Variants in ZNF85 observed in about 807,000 individuals in gnomAD.
ZNF85 encodes zinc finger protein 85, also known as zinc finger protein 85 (HPF4, HTF1).
In ZNF85, 50 loss-of-function variants were observed where a neutral mutation model predicts 53.9. The ratio of observed to expected loss-of-function variants is 0.93; its 90% CI spans 0.74 to 1.17. ZNF85 has a LOEUF of 1.17. ZNF85 is among the 50% of genes most tolerant of loss of function. The probability of loss-of-function intolerance (pLI) is 0.00; values close to 1 mark genes in which losing one functional copy is unlikely to be tolerated. For synonymous variants in ZNF85, 225 were observed against 226.1 expected (o/e 1.00, Z 0.04); for missense variants, 747 against 688.5 (o/e 1.08, Z -0.95).
chr19:20,943,073 G>T (rs1414237124), intron 3 of ZNF85: 4 of 419,104 alleles, frequency 9.5e-6, no homozygotes, highest in Non-Finnish European at 8.4e-6. Flanking sequence ...TGTTCACCCA[G>T]CCAGTATTCT....
intron 3 of ZNF85, among the ~76,000 whole-genome samples, chr19:20,948,286 A>G (rs1240702257): frequency 1.3e-5 from 2 of 152,116 alleles, no homozygotes; most frequent in Non-Finnish European, 1.5e-5. Flanking sequence ...GCAGACTCAA[A>G]CTGCCATTCC....
chr19:20,942,765 T>G (rs1189572099), intron 3 of ZNF85: 4 of 693,612 alleles, frequency 5.8e-6, no homozygotes, highest in Non-Finnish European at 1.0e-5. Context: ...CTGCTTAAAT[T>G]TATTTGTTGT....
In ZNF85 at chr19:20,950,313, A is replaced by C; in HGVS notation, c.*11A>C. On this transcript the variant is annotated 3_prime_UTR_variant, in exon 4 of 4. Coordinates refer to ENST00000328178, the MANE Select transcript of ZNF85 (RefSeq NM_003429.5). ...AAATTACAAATATGAAAATTATGGC[A>C]AAGCTTTAATCAATTTACAAGTCTT... The C allele has an allele frequency of 6.7e-7, 1 of 1,501,464 alleles. No homozygotes were observed. The highest frequency in any genetic ancestry group is 8.9e-7 in the Non-Finnish European group (1 of 1,123,812). 93.0% of individuals were successfully genotyped at this position (1,501,464 alleles called of 1,614,324 possible).
chr19:20,939,348 T>C (rs111384514), intron 3 of ZNF85, among the ~76,000 whole-genome samples: 1,811 of 152,020 alleles, frequency 0.012, 34 homozygotes, highest in African/African-American at 0.035. Flanking sequence ...CTCTGCCTCC[T>C]GGTTCAAGTG....
In ZNF85 at chr19:20,923,398, G is replaced by C; in HGVS notation, c.-3G>C. 1 of 1,614,166 alleles carries C rather than the reference G, an allele frequency of 6.2e-7. No homozygotes were observed. The highest frequency in any genetic ancestry group is 1.1e-5 in the South Asian group (1 of 91,082). ...GACGCCGGGACCCCCTGGAAGCCTAGAAATGGTGAGAGTGCCAGGTCCGCC... is the reference window on the plus strand; with the variant it reads ...GACGCCGGGACCCCCTGGAAGCCTACAAATGGTGAGAGTGCCAGGTCCGCC... On this transcript the variant is annotated 5_prime_UTR_variant, in exon 1 of 4. Coordinates refer to ENST00000328178, the MANE Select transcript of ZNF85 (RefSeq NM_003429.5).
chr19:20,938,235 A>G (rs1315623742), intron 3 of ZNF85, among the ~76,000 whole-genome samples: 2 of 152,090 alleles, frequency 1.3e-5, no homozygotes, highest in Non-Finnish European at 2.9e-5. Context: ...ACACAGGGCT[A>G]ATTTTTGTAT....
chr19:20,945,110 G>T (rs1252698814), intron 3 of ZNF85, among the ~76,000 whole-genome samples: 1 of 148,148 alleles, frequency 6.8e-6, no homozygotes, highest in Admixed American at 6.7e-5. Flanking sequence ...TCATTACTCT[G>T]TATCTTAGGT....
chr19:20,935,174 A>G, intron 3 of ZNF85, 127 bp downstream of exon 3: 1 of 582,260 alleles, frequency 1.7e-6, no homozygotes, highest in Non-Finnish European at 2.9e-6. Flanking sequence ...CAGAAGCCTG[A>G]GGTTTCTTTC....
Position 20,923,429 on chromosome 19 carries a change from G to T in ZNF85, c.3+26G>T, listed in dbSNP as rs772569525. Reference sequence around the variant, plus strand: ...GTGAGAGTGCCAGGTCCGCCATCCCGAGGGGGAAAGGGGTTGGTTGAAACC... The same window carrying T: ...GTGAGAGTGCCAGGTCCGCCATCCCTAGGGGGAAAGGGGTTGGTTGAAACC... On this transcript the variant is annotated intron_variant, in intron 1 of 3. Coordinates refer to ENST00000328178, the MANE Select transcript of ZNF85 (RefSeq NM_003429.5). 6.8e-6 allele frequency: 11 copies of T among 1,614,000 alleles called. No homozygotes were observed. In the Middle Eastern group the frequency reaches 6.6e-4, roughly 97 times the overall value.
At chr19:20,934,545 G>A (rs527616119) in intron 2 of ZNF85, among the ~76,000 whole-genome samples, 8 of 152,144 alleles carry the variant, frequency 5.3e-5, no homozygotes, top group South Asian at 2.1e-4. Flanking sequence ...TGAGGCGGAC[G>A]GATCACGAGG....
At chr19:20,928,913 G>A (rs1014916613) in intron 1 of ZNF85, among the ~76,000 whole-genome samples, 30 of 151,998 alleles carry the variant, frequency 2.0e-4, no homozygotes, top group African/African-American at 7.0e-4. Context: ...AGGGGTACAC[G>A]TGCAGGTTTC....
Position 20,949,573 on chromosome 19 carries a change from G to C in ZNF85, c.1059G>C (p.Gln353His). ...KCKKCGKAFN[Q>H]SAHLTTHEVI... ...AAAAATGTGGAAAAGCCTTTAACCA[G>C]TCTGCACACCTTACCACACATGAGG... Residue 353 changes from glutamine to histidine, a missense_variant, in exon 4 of 4, where the codon CAG becomes CAC. Physicochemically the swap from Gln to His is conservative, Grantham distance 24. Coordinates refer to ENST00000328178, the MANE Select transcript of ZNF85 (RefSeq NM_003429.5). 6.3e-7 allele frequency: 1 copy of C among 1,596,768 alleles called. No homozygotes were observed. Among genetic ancestry groups the C allele is most frequent in the African/African-American group, 1.4e-5 (1 of 73,988 alleles).
At chr19:20,944,647 AT>A (rs58497916) in intron 3 of ZNF85, among the ~76,000 whole-genome samples, 17,041 of 150,648 alleles carry the variant, frequency 0.11, 985 homozygotes, top group Non-Finnish European at 0.13. Context: ...TTATTCTATG[AT>A]TTTTTTTCAT....
chr19:20,941,257 G>A, intron 3 of ZNF85, among the ~76,000 whole-genome samples: 1 of 152,144 alleles, frequency 6.6e-6, no homozygotes, highest in East Asian at 1.9e-4. Context: ...GTAATTTTGT[G>A]TTTCCTTTCT....
At chr19:20,930,966 C>T (rs11883317) in intron 1 of ZNF85, among the ~76,000 whole-genome samples, 17,081 of 152,000 alleles carry the variant, frequency 0.11, 1,002 homozygotes, top group Non-Finnish European at 0.13. Context: ...GTAGAGACTG[C>T]GTTTCTCCAT....
chr19:20,950,248 C>T lies in ZNF85; in HGVS notation c.1734C>T (p.Ser578=), dbSNP rs1300735347. The T allele has an allele frequency of 1.9e-6, 3 of 1,592,342 alleles. No individual in the cohort carries two copies. Among genetic ancestry groups the T allele is most frequent in the Admixed American group, 1.8e-5 (1 of 54,860 alleles). ...AATGTGACAAAGCTTTTAAATGGTC[C>T]TCAGTCCTTACTAAACATAAGATAA... ...CEECDKAFKW[S]SVLTKHKIIH... The change falls in exon 4 of 4, where the codon TCC becomes TCT. Residue 578 remains serine (S), a synonymous_variant. Transcript: ENST00000328178.
At chr19:20,942,932 T>C (rs969097807) in intron 3 of ZNF85, 7 of 581,560 alleles carry the variant, frequency 1.2e-5, no homozygotes, top group African/African-American at 1.2e-4. Context: ...TGCAGTACTA[T>C]GCCTGGCTAA....
chr19:20,940,194 T>C (rs904611903), intron 3 of ZNF85, among the ~76,000 whole-genome samples: 1 of 152,140 alleles, frequency 6.6e-6, no homozygotes. Context: ...TAGAAAATTG[T>C]TTTTAAAACA....
At chr19:20,928,727 C>G (rs1246884306) in intron 1 of ZNF85, 3 of 152,278 alleles carry the variant, frequency 2.0e-5, no homozygotes, top group African/African-American at 7.2e-5. Context: ...TTTTCTCCAC[C>G]AACCTAGGGT....
Sources: allele counts gnomAD v4.1 joint callset (sites outside exome capture counted in the v4.1 genomes callset), GRCh38; gene constraint gnomAD v4.1.1; transcripts MANE v1.5; gene names NCBI Gene and HGNC (gene_info 2026-07-23, HGNC 2026-07-21).